Variants in RAB39A observed in about 807,000 individuals in gnomAD.
RAB39A encodes RAB39A, member RAS oncogene family.
In RAB39A, 17 loss-of-function variants were observed where a neutral mutation model predicts 20.9. That is an observed-to-expected ratio of 0.81 (90% CI 0.56 to 1.22). The LOEUF (loss-of-function observed/expected upper bound fraction) is 1.22, where lower values mean the gene tolerates loss of function less well. RAB39A is among the 50% of genes most tolerant of loss of function. The probability of loss-of-function intolerance (pLI) is 0.00; values close to 1 mark genes in which losing one functional copy is unlikely to be tolerated. For synonymous variants in RAB39A, 99 were observed against 103.4 expected (o/e 0.96, Z 0.26); for missense variants, 234 against 270.5 (o/e 0.87, Z 0.95).
chr11:107,945,735 A>G (rs1446443343), intron 1 of RAB39A, among the ~76,000 whole-genome samples: 3 of 152,114 alleles, frequency 2.0e-5, no homozygotes, highest in East Asian at 3.9e-4. Context: ...CCCCCATTCC[A>G]TATATCAAAC....
At chr11:107,940,690 C>T (rs889832350) in intron 1 of RAB39A, among the ~76,000 whole-genome samples, 2 of 152,062 alleles carry the variant, frequency 1.3e-5, no homozygotes, top group Admixed American at 6.6e-5. Flanking sequence ...ATGACCACCT[C>T]GGCCGGGTGT....
chr11:107,959,855 A>C (rs556854100), intron 1 of RAB39A, among the ~76,000 whole-genome samples: 63 of 152,346 alleles, frequency 4.1e-4, no homozygotes, highest in Non-Finnish European at 6.5e-4. Context: ...GACAAACTGG[A>C]AACTGAGACT....
At chr11:107,934,525 T>G (rs867537133) in intron 1 of RAB39A, among the ~76,000 whole-genome samples, 2 of 152,200 alleles carry the variant, frequency 1.3e-5, no homozygotes, top group African/African-American at 4.8e-5. Flanking sequence ...TAGCATATTC[T>G]TTGAGCAGAA....
intron 1 of RAB39A, among the ~76,000 whole-genome samples, chr11:107,936,036 A>G (rs746797900): frequency 1.3e-5 from 2 of 150,826 alleles, no homozygotes; most frequent in Non-Finnish European, 2.9e-5. Flanking sequence ...AGTAGCTGGG[A>G]TTACAGGTGT....
intron 1 of RAB39A, among the ~76,000 whole-genome samples, chr11:107,955,345 A>G (rs1354278912): frequency 6.6e-6 from 1 of 151,946 alleles, no homozygotes; most frequent in Non-Finnish European, 1.5e-5. Flanking sequence ...TGTCCAGTGG[A>G]GGTTTCCTGG....
rs369739015 is a variant in RAB39A, at chr11:107,946,308, CTATA to C, written c.228-15623_228-15620del. Among the ~76,000 whole-genome samples, 83 of 94,270 alleles carry C rather than the reference CTATA, an allele frequency of 8.8e-4. 1 individual carries two copies. The highest frequency in any genetic ancestry group is 1.1e-3 in the Admixed American group (11 of 10,190). 61.8% of individuals were successfully genotyped at this position (94,270 alleles called of 152,430 possible). A position where few individuals can be genotyped will look rare whatever the true frequency, so the allele number is the denominator to read the frequency against. ...ATTGCAACCATAAAGGAACAGGATA[CTATA>C]TATATATATATATACACACACACAC... On this transcript the variant is annotated intron_variant, in intron 1 of 1. Transcript: ENST00000320578.
intron 1 of RAB39A, among the ~76,000 whole-genome samples, chr11:107,939,122 T>C (rs1861232443): frequency 6.6e-6 from 1 of 151,524 alleles, no homozygotes; most frequent in Admixed American, 6.6e-5. Flanking sequence ...CATCCACCTG[T>C]AATCCCAGCT....
At chr11:107,947,419 C>G (rs1235371467) in intron 1 of RAB39A, among the ~76,000 whole-genome samples, 1 of 152,012 alleles carries the variant, frequency 6.6e-6, no homozygotes, top group Admixed American at 6.6e-5. Context: ...GATGATTTTT[C>G]TTTAAACAAT....
At position 107,962,104 on chromosome 11, in the gene RAB39A, G is replaced by T; in HGVS notation, c.386G>T (p.Cys129Phe). The T allele has an allele frequency of 6.2e-7, 1 of 1,614,128 alleles. No individual in the cohort carries two copies. The highest frequency in any genetic ancestry group is 8.5e-7 in the Non-Finnish European group (1 of 1,180,006). Residue 129 changes from cysteine (C) to phenylalanine (F), a missense_variant, in exon 2 of 2, where the codon TGT becomes TTT. By Grantham distance (205) the Cys-to-Phe change is radical. Transcript: ENST00000320578. ...GTATTTCTGCTAGTGGGACATAAAT[G>T]TGATTTAGCTTCACAACGTCAAGTT... Reference protein sequence around the residue: ...RIVFLLVGHKCDLASQRQVTR... With the variant: ...RIVFLLVGHKFDLASQRQVTR...
At chr11:107,937,934 T>C (rs900482003) in intron 1 of RAB39A, among the ~76,000 whole-genome samples, 1 of 152,084 alleles carries the variant, frequency 6.6e-6, no homozygotes, top group Non-Finnish European at 1.5e-5. Context: ...ATATACTAAG[T>C]AGGTATTATG....
rs143307712 is a variant in RAB39A at position 107,941,266 on chromosome 11, T to C, written c.227+12471T>C. 2.5e-3 allele frequency among the ~76,000 whole-genome samples: 378 copies of C among 152,308 alleles called. 3 individuals carry two copies. Among genetic ancestry groups the C allele is most frequent in the African/African-American group, 8.5e-3 (352 of 41,564 alleles). ...TTGTGAACCCCCAAGGCAGATATGG[T>C]GTTTCCCAACCCAGAGTCCTATTAC... On this transcript the variant is annotated intron_variant, in intron 1 of 1. Transcript: ENST00000320578.
intron 1 of RAB39A, 89 bp from the exon 2 acceptor site, chr11:107,961,857 T>G: frequency 9.6e-7 from 1 of 1,042,190 alleles, no homozygotes; most frequent in South Asian, 1.7e-5. Context: ...TTAAGATATC[T>G]TCAAATGTTA....
At chr11:107,957,534 G>C (rs1346463022) in intron 1 of RAB39A, among the ~76,000 whole-genome samples, 1 of 152,200 alleles carries the variant, frequency 6.6e-6, no homozygotes, top group Middle Eastern at 3.2e-3. Context: ...TTTGCTGATA[G>C]TGTAGCTTTC....
intron 1 of RAB39A, among the ~76,000 whole-genome samples, chr11:107,948,662 G>A (rs895947966): frequency 6.6e-6 from 1 of 151,944 alleles, no homozygotes; most frequent in African/African-American, 2.4e-5. Flanking sequence ...GGATGGTCTC[G>A]ATCTCTTGAC....
intron 1 of RAB39A, among the ~76,000 whole-genome samples, chr11:107,940,597 T>A (rs1404760099): frequency 1.3e-5 from 2 of 152,188 alleles, no homozygotes; most frequent in Non-Finnish European, 2.9e-5. Context: ...TTATACTTCA[T>A]GATTTTAATA....
Position 107,962,747 on chromosome 11 carries a change from A to G in RAB39A, c.*375A>G, listed in dbSNP as rs1861511917. The G allele has an allele frequency of 6.0e-6, 1 of 167,546 alleles. No individual in the cohort carries two copies. The highest frequency in any genetic ancestry group is 2.4e-5 in the African/African-American group (1 of 41,906). 10.4% of individuals were successfully genotyped at this position (167,546 alleles called of 1,614,324 possible). On this transcript the variant is annotated 3_prime_UTR_variant, in exon 2 of 2. Coordinates refer to ENST00000320578, the MANE Select transcript of RAB39A (RefSeq NM_017516.3). The stretch of plus-strand genomic sequence containing the variant: ...TCAGGAATTACATTCTCTTGAGTTA[A>G]TTAATATTGAATAGCAAAATGCATT...
chr11:107,949,834 G>A (rs987428883), intron 1 of RAB39A, among the ~76,000 whole-genome samples: 7 of 152,124 alleles, frequency 4.6e-5, no homozygotes, highest in East Asian at 1.9e-4. Flanking sequence ...TGCAAAGTAC[G>A]ATTTAAATTA....
intron 1 of RAB39A, among the ~76,000 whole-genome samples, chr11:107,947,818 A>AAAC (rs1410616026): frequency 6.0e-5 from 9 of 151,134 alleles, no homozygotes; most frequent in African/African-American, 2.2e-4. Flanking sequence ...AAAAAAAAAA[A>AAAC]AAAAAAAAAA....
At chr11:107,937,842 C>T (rs2134953790) in intron 1 of RAB39A, among the ~76,000 whole-genome samples, 1 of 152,298 alleles carries the variant, frequency 6.6e-6, no homozygotes, top group African/African-American at 2.4e-5. Context: ...TCATTGACTA[C>T]TTAACTATCC....
Sources: gnomAD v4.1 joint callset for allele counts (sites outside exome capture counted in the v4.1 genomes callset) on GRCh38, gnomAD v4.1.1 for gene constraint, MANE v1.5 for transcripts, NCBI Gene and HGNC (gene_info 2026-07-23, HGNC 2026-07-21) for gene names.